MSRB3: variants seen among roughly 807,000 people sequenced by gnomAD.
The protein encoded by MSRB3 is methionine sulfoxide reductase B3.
In MSRB3, 13 loss-of-function variants were observed where a neutral mutation model predicts 21.0. That is an observed-to-expected ratio of 0.62 (90% CI 0.40 to 0.98). The LOEUF (loss-of-function observed/expected upper bound fraction) is 0.98. Among genes scored for constraint, MSRB3 ranks in the 50% least tolerant of loss-of-function variants. The pLI is 0.00. For synonymous variants in MSRB3, 87 were observed against 88.6 expected (o/e 0.98, Z 0.10); for missense variants, 199 against 230.3 (o/e 0.86, Z 0.88).
intron 4 of MSRB3, among the ~76,000 whole-genome samples, chr12:65,364,075 A>G (rs1877865253): frequency 6.6e-6 from 1 of 152,176 alleles, no homozygotes; most frequent in Non-Finnish European, 1.5e-5. Flanking sequence ...CTATTCTAAT[A>G]TCAGTTTTTC....
chr12:65,363,709 G>T (rs977812472), intron 4 of MSRB3, among the ~76,000 whole-genome samples: 3 of 152,140 alleles, frequency 2.0e-5, no homozygotes, highest in African/African-American at 7.2e-5. Flanking sequence ...CTTGGGGCCG[G>T]GCGTGGTGGC....
chr12:65,344,987 G>A (rs1310844644), intron 4 of MSRB3, among the ~76,000 whole-genome samples: 1 of 151,972 alleles, frequency 6.6e-6, no homozygotes, highest in East Asian at 1.9e-4. Context: ...GAGTCCAGGC[G>A]AAGGTTAAGG....
At chr12:65,450,679 A>C (rs1389841343) in intron 5 of MSRB3, among the ~76,000 whole-genome samples, 1 of 152,206 alleles carries the variant, frequency 6.6e-6, no homozygotes, top group African/African-American at 2.4e-5. Flanking sequence ...TAATGTCAAA[A>C]CTGACATAAA....
chr12:65,337,998 A>G (rs543564433), intron 4 of MSRB3, among the ~76,000 whole-genome samples: 2 of 152,304 alleles, frequency 1.3e-5, no homozygotes, highest in South Asian at 2.1e-4. Flanking sequence ...CTACTCCATT[A>G]CACGGGCATT....
chr12:65,298,015 T>C (rs76057859), intron 1 of MSRB3, among the ~76,000 whole-genome samples: 3 of 152,104 alleles, frequency 2.0e-5, no homozygotes, highest in Non-Finnish European at 4.4e-5. Flanking sequence ...TTTTTTTTTT[T>C]TCTTTTGAGT....
In MSRB3 at chr12:65,465,619, G is replaced by A. The variant is rs1883534194; in HGVS notation, c.*2297G>A. 1 of 152,030 alleles carries A rather than the reference G, an allele frequency of 6.6e-6. No homozygotes were observed. Among genetic ancestry groups the A allele is most frequent in the Non-Finnish European group, 1.5e-5 (1 of 68,004 alleles). 9.4% of individuals were successfully genotyped at this position (152,030 alleles called of 1,614,324 possible). On this transcript the variant is annotated 3_prime_UTR_variant, in exon 7 of 7. Transcript: ENST00000308259. Reference sequence around the variant, plus strand: ...TAGTCATGTACACTTGATTCCAGATGAGCTCTGGTCTTATCTGGATGCTCA... The same window carrying A: ...TAGTCATGTACACTTGATTCCAGATAAGCTCTGGTCTTATCTGGATGCTCA...
At chr12:65,450,089 AG>A (rs1882790545) in intron 5 of MSRB3, among the ~76,000 whole-genome samples, 1 of 150,088 alleles carries the variant, frequency 6.7e-6, no homozygotes, top group Non-Finnish European at 1.5e-5. Flanking sequence ...TATGGGTTGG[AG>A]GGGGAATGAT....
chr12:65,420,371 G>A (rs1881225358), intron 5 of MSRB3, among the ~76,000 whole-genome samples: 1 of 150,670 alleles, frequency 6.6e-6, no homozygotes, highest in African/African-American at 2.4e-5. Context: ...CTGGCTATAT[G>A]GGAGTCACTT....
chr12:65,394,120 A>G (rs1273393102), intron 5 of MSRB3, among the ~76,000 whole-genome samples: 1 of 152,178 alleles, frequency 6.6e-6, no homozygotes, highest in Non-Finnish European at 1.5e-5. Flanking sequence ...GTTTGTATGT[A>G]TGCATATATA....
chr12:65,310,411 A>G (rs1388686235), intron 2 of MSRB3, among the ~76,000 whole-genome samples: 1 of 152,206 alleles, frequency 6.6e-6, no homozygotes, highest in Non-Finnish European at 1.5e-5. Flanking sequence ...TACGACCTTG[A>G]GGGAGAACCT....
intron 2 of MSRB3, among the ~76,000 whole-genome samples, chr12:65,326,154 G>A (rs963486222): frequency 2.6e-5 from 4 of 152,110 alleles, no homozygotes; most frequent in African/African-American, 9.7e-5. Flanking sequence ...TAGTGAAAAT[G>A]CCTTCTCCTG....
At chr12:65,301,477 C>G (rs147160538) in intron 1 of MSRB3, among the ~76,000 whole-genome samples, 17 of 152,248 alleles carry the variant, frequency 1.1e-4, no homozygotes, top group Non-Finnish European at 2.1e-4. Context: ...TATTTAAAAA[C>G]TTTTCTGATG....
chr12:65,395,172 T>C (rs1169719424), intron 5 of MSRB3, among the ~76,000 whole-genome samples: 1 of 152,152 alleles, frequency 6.6e-6, no homozygotes, highest in Non-Finnish European at 1.5e-5. Flanking sequence ...TGATCTTGTA[T>C]ATAGAAAATC....
intron 2 of MSRB3, among the ~76,000 whole-genome samples, chr12:65,312,933 G>T (rs1201182268): frequency 6.6e-6 from 1 of 151,702 alleles, no homozygotes. Flanking sequence ...TTCATAGTTT[G>T]GTTTACTTTT....
At chr12:65,363,280 G>T (rs1441254526) in intron 4 of MSRB3, among the ~76,000 whole-genome samples, 1 of 152,042 alleles carries the variant, frequency 6.6e-6, no homozygotes, top group South Asian at 2.1e-4. Flanking sequence ...AGATTTTGTG[G>T]GTTTCCCCAG....
intron 4 of MSRB3, among the ~76,000 whole-genome samples, chr12:65,336,789 A>T (rs1454089693): frequency 6.6e-6 from 1 of 152,262 alleles, no homozygotes; most frequent in Non-Finnish European, 1.5e-5. Context: ...GTAAATGAAT[A>T]ATTCTTTTAT....
intron 5 of MSRB3, among the ~76,000 whole-genome samples, chr12:65,433,572 T>G (rs1881982275): frequency 6.6e-6 from 1 of 151,890 alleles, no homozygotes; most frequent in South Asian, 2.1e-4. Context: ...ACCTGGGAAT[T>G]ATCACTCTGG....
chr12:65,389,110 C>A (rs1363606827), intron 5 of MSRB3, among the ~76,000 whole-genome samples: 1 of 152,116 alleles, frequency 6.6e-6, no homozygotes, highest in Non-Finnish European at 1.5e-5. Flanking sequence ...TGTGGAGTAT[C>A]CAGCAAAATG....
At chr12:65,334,015 T>C (rs1875600858) in intron 4 of MSRB3, among the ~76,000 whole-genome samples, 1 of 152,210 alleles carries the variant, frequency 6.6e-6, no homozygotes, top group Admixed American at 6.5e-5. Context: ...AATAGGGATG[T>C]TAATTAACAG....
Sources: allele counts gnomAD v4.1 joint callset (sites outside exome capture counted in the v4.1 genomes callset), GRCh38; gene constraint gnomAD v4.1.1; transcripts MANE v1.5; gene names NCBI Gene and HGNC (gene_info 2026-07-23, HGNC 2026-07-21).